The following TECTA variants were observed in gnomAD, a reference collection of about 807,000 sequenced individuals.
The protein encoded by TECTA is tectorin alpha.
Under a neutral mutation model 216.8 loss-of-function variants are expected in TECTA, and 128 were observed. That is an observed-to-expected ratio of 0.59 (90% CI 0.51 to 0.68). TECTA has a LOEUF of 0.68. TECTA is among the 30% of genes least tolerant of loss of function. The pLI is 0.00. For synonymous variants in TECTA, 1,089 were observed against 1,117.1 expected, an observed-to-expected ratio of 0.97 and a Z score of 0.50; for missense variants, 2,551 against 2,786.2, an observed-to-expected ratio of 0.92 and a Z score of 1.90.
At chr11:121,120,730 G>A (rs1165250845) in intron 7 of TECTA, among the ~76,000 whole-genome samples, 1 of 152,228 alleles carries the variant, frequency 6.6e-6, no homozygotes, top group Non-Finnish European at 1.5e-5. Context: ...GGCAGCATAA[G>A]TAAAAATCCA....
chr11:121,151,119 G>A (rs971767189), intron 12 of TECTA, among the ~76,000 whole-genome samples: 4 of 152,174 alleles, frequency 2.6e-5, no homozygotes, highest in African/African-American at 9.7e-5. Context: ...ATAAGGAGAT[G>A]GCACATATCG....
Position 121,165,371 on chromosome 11 carries a change from C to T in TECTA, c.5371C>T (p.Pro1791Ser), listed in dbSNP as rs761205163. 5 of 1,589,776 alleles carry T rather than the reference C, an allele frequency of 3.1e-6. No individual in the cohort carries two copies. The East Asian group carries it at 9.1e-5, about 29-fold the overall frequency. ...RELCGCIEPP[P>S]YGNNSHDIID... ...GCTGTGTGGCTGCATCGAGCCACCCCCCTATGGAAATAGTGAGTGACATGG... is the reference window on the plus strand; with the variant it reads ...GCTGTGTGGCTGCATCGAGCCACCCTCCTATGGAAATAGTGAGTGACATGG... The change falls in exon 17 of 24, where the codon CCC becomes TCC. Residue 1791 changes from proline (P) to serine (S), a missense_variant. Physicochemically the swap from Pro to Ser is moderately conservative, Grantham distance 74. This residue lies in a region of TECTA where 2,375 missense variants were observed against 2,563.9 expected (regional missense o/e 0.93). Coordinates refer to ENST00000392793, the MANE Select transcript of TECTA (RefSeq NM_005422.4).
At chr11:121,106,034 T>G in intron 3 of TECTA, 70 bp downstream of exon 3, 1 of 1,611,290 alleles carries the variant, frequency 6.2e-7, no homozygotes, top group Non-Finnish European at 8.5e-7. Flanking sequence ...AAAAGCATTT[T>G]AAGTATCCTC....
chr11:121,139,935 C>T (rs1413656387), intron 11 of TECTA, among the ~76,000 whole-genome samples: 7 of 152,182 alleles, frequency 4.6e-5, no homozygotes, highest in African/African-American at 1.7e-4. Context: ...ATATATCGAT[C>T]GTTTTGCCCA....
At chr11:121,147,605 G>C (rs1946850998) in intron 12 of TECTA, among the ~76,000 whole-genome samples, 1 of 152,200 alleles carries the variant, frequency 6.6e-6, no homozygotes, top group African/African-American at 2.4e-5. Flanking sequence ...TGGATTCATT[G>C]GGGGTCATTC....
intron 20 of TECTA, among the ~76,000 whole-genome samples, chr11:121,178,272 G>A (rs578007404): frequency 1.4e-3 from 209 of 152,288 alleles, no homozygotes; most frequent in African/African-American, 2.7e-3. Flanking sequence ...CTTCTGCGTC[G>A]CTCACGCTGG....
intron 20 of TECTA, among the ~76,000 whole-genome samples, chr11:121,179,773 ATCT>A: frequency 1.3e-5 from 2 of 152,138 alleles, no homozygotes; most frequent in Middle Eastern, 6.8e-3. Flanking sequence ...TTATGTAATG[ATCT>A]TCTTTGTCTC....
chr11:121,146,832 A>G (rs1946842945), intron 12 of TECTA, among the ~76,000 whole-genome samples: 1 of 152,240 alleles, frequency 6.6e-6, no homozygotes, highest in Non-Finnish European at 1.5e-5. Flanking sequence ...GCTTGCTCTG[A>G]GCCAAGACCC....
intron 11 of TECTA, among the ~76,000 whole-genome samples, chr11:121,142,085 C>T (rs1946790062): frequency 2.6e-5 from 4 of 152,112 alleles, no homozygotes; most frequent in Admixed American, 2.0e-4. Context: ...TTGGTGCAGA[C>T]TCAAGGTGGG....
intron 7 of TECTA, among the ~76,000 whole-genome samples, chr11:121,120,002 G>A (rs1476381269): frequency 6.6e-6 from 1 of 152,206 alleles, no homozygotes; most frequent in East Asian, 1.9e-4. Flanking sequence ...TATCCTTGTA[G>A]ATAGATGCTG....
At position 121,189,124 on chromosome 11, in the gene TECTA, G is replaced by A. The variant is rs1397361884; in HGVS notation, c.6207G>A (p.Glu2069=). The change falls in exon 22 of 24, where the codon GAG becomes GAA. Residue 2069 remains glutamate (E), a synonymous_variant. Coordinates refer to ENST00000392793, the MANE Select transcript of TECTA (RefSeq NM_005422.4). ...NSRIATDYTK[E]PKEQIISVGP... is the part of the protein sequence containing the mutation. ...GGATTGCCACAGATTACACAAAAGAGCCCAAAGAACAGATCATTTCAGTGG... is the reference window on the plus strand; with the variant it reads ...GGATTGCCACAGATTACACAAAAGAACCCAAAGAACAGATCATTTCAGTGG... 3 of 1,614,158 alleles carry A rather than the reference G, an allele frequency of 1.9e-6. No individual in the cohort carries two copies. Among genetic ancestry groups the A allele is most frequent in the Non-Finnish European group, 1.7e-6 (2 of 1,180,022 alleles).
intron 20 of TECTA, among the ~76,000 whole-genome samples, chr11:121,186,090 CTTAA>C (rs1285384256): frequency 6.2e-5 from 7 of 112,928 alleles, no homozygotes; most frequent in African/African-American, 3.2e-4. Flanking sequence ...ATGTTCAATG[CTTAA>C]TGAATGAGTA....
intron 12 of TECTA, among the ~76,000 whole-genome samples, chr11:121,147,092 G>A (rs922781973): frequency 2.6e-5 from 4 of 152,198 alleles, no homozygotes; most frequent in South Asian, 4.2e-4. Context: ...GGGTGGGGGG[G>A]AAACACTGTT....
intron 12 of TECTA, among the ~76,000 whole-genome samples, chr11:121,148,156 C>T (rs950737547): frequency 6.6e-6 from 1 of 152,222 alleles, no homozygotes; most frequent in Non-Finnish European, 1.5e-5. Context: ...CTACTCATGG[C>T]ACCCAGAGCC....
intron 16 of TECTA, among the ~76,000 whole-genome samples, chr11:121,164,123 G>A (rs1947027963): frequency 1.3e-5 from 2 of 152,120 alleles, no homozygotes; most frequent in South Asian, 2.1e-4. Context: ...GGGCAGCTTG[G>A]GATTTTTGTT....
Position 121,168,902 on chromosome 11 carries a change from C to T in TECTA, c.5976C>T (p.Leu1992=). 1 of 1,613,988 alleles carries T rather than the reference C, an allele frequency of 6.2e-7. No individual in the cohort carries two copies. Among genetic ancestry groups the T allele is most frequent in the East Asian group, 2.2e-5 (1 of 44,900 alleles). Residue 1992 remains leucine, a synonymous_variant, in exon 20 of 24, where the codon CTC becomes CTT. Coordinates refer to ENST00000392793, the MANE Select transcript of TECTA (RefSeq NM_005422.4). ...CCACCCGAGATAGCAATGATAAGCT[C>T]CGATATTTCATCATTGAAGGAGGGT... ...ATPTRDSNDK[L]RYFIIEGGCQ...
Position 121,158,178 on chromosome 11 carries a change from A to T in TECTA, c.4643A>T (p.Tyr1548Phe). 1 of 1,614,074 alleles carries T rather than the reference A, an allele frequency of 6.2e-7. No individual in the cohort carries two copies. The highest frequency in any genetic ancestry group is 8.5e-7 in the Non-Finnish European group (1 of 1,180,038). ...NLTIISPVYFYINEEQILIND... is the reference protein window; with the variant it reads ...NLTIISPVYFFINEEQILIND... ...ACCATCATTTCGCCCGTCTACTTCTACATTAACGAAGAGCAGATTCTCATC... is the reference window on the plus strand; with the variant it reads ...ACCATCATTTCGCCCGTCTACTTCTTCATTAACGAAGAGCAGATTCTCATC... The change falls in exon 14 of 24, where the codon TAC becomes TTC. Residue 1548 changes from tyrosine to phenylalanine, a missense_variant. Around this residue, in one of 3 missense-constraint regions of TECTA, gnomAD observed 2,375 missense variants for 2,563.9 expected, o/e 0.93. Coordinates refer to ENST00000392793, the MANE Select transcript of TECTA (RefSeq NM_005422.4).
At chr11:121,185,243 GT>G (rs1200902082) in intron 20 of TECTA, among the ~76,000 whole-genome samples, 2 of 152,166 alleles carry the variant, frequency 1.3e-5, no homozygotes, top group Non-Finnish European at 2.9e-5. Flanking sequence ...TGTGATTATT[GT>G]TTTTTTCCAG....
chr11:121,131,945 G>A (rs1216185997), intron 10 of TECTA, among the ~76,000 whole-genome samples: 3 of 152,138 alleles, frequency 2.0e-5, no homozygotes, highest in Non-Finnish European at 2.9e-5. Context: ...TGATAGATTC[G>A]ATCGCTTGCT....
Sources: gnomAD v4.1 joint callset for allele counts (sites outside exome capture counted in the v4.1 genomes callset) on GRCh38, gnomAD v4.1.1 for gene constraint, gnomAD v4.1.1 regional missense constraint, MANE v1.5 for transcripts, NCBI Gene and HGNC (gene_info 2026-07-23, HGNC 2026-07-21) for gene names.